Variants in MOSPD2 observed in about 807,000 individuals in gnomAD.
MOSPD2 encodes the protein motile sperm domain-containing protein 2.
A neutral mutation model predicts 41.7 loss-of-function variants in MOSPD2; 5 were observed. The observed-to-expected ratio is 0.12, with a 90% CI of 0.06 to 0.25. MOSPD2 has a LOEUF of 0.25. Ranked by LOEUF, MOSPD2 falls within the 10% of genes least tolerant of loss-of-function variation. The pLI is 1.00. For synonymous variants in MOSPD2, 115 were observed against 126.9 expected (o/e 0.91, Z 0.63); for missense variants, 282 against 375.2 (o/e 0.75, Z 2.05).
chrX:14,895,450 A>G (rs904456171), intron 4 of MOSPD2, 56 bp downstream of exon 4: 5 of 685,717 alleles, frequency 7.3e-6, no homozygotes, highest in Non-Finnish European at 9.3e-6. Flanking sequence ...TGAGATATCT[A>G]TGTCAACTGA....
At chrX:14,889,552 G>C (rs1316941334) in intron 2 of MOSPD2, among the ~76,000 whole-genome samples, 11 of 95,677 alleles carry the variant, frequency 1.1e-4, no homozygotes, top group African/African-American at 4.4e-4. Flanking sequence ...CCTCTCCTCT[G>C]TCCCATTGTC....
At position 14,878,693 on chromosome X, in the gene MOSPD2, T is replaced by C. The variant is rs1453138926; in HGVS notation, c.79+4935T>C. Among the ~76,000 whole-genome samples the C allele has an allele frequency of 2.7e-5, 3 of 111,756 alleles. No individual in the cohort carries two copies. The East Asian group carries it at 8.3e-4, about 31-fold the overall frequency. On this transcript the variant is annotated intron_variant, in intron 2 of 14. Transcript: ENST00000380492. ...ATTTTTGTTTTGTTTTGGTTTACTA[T>C]TTTTTTTCTTCTTTTTTTATTATAC...
intron 2 of MOSPD2, among the ~76,000 whole-genome samples, 174 bp from the exon 3 acceptor site, chrX:14,892,549 A>G (rs1174680821): frequency 9.0e-6 from 1 of 111,692 alleles, no homozygotes; most frequent in African/African-American, 3.3e-5. Context: ...AACCATATCC[A>G]AACAATAGCA....
chrX:14,911,368 A>T lies in MOSPD2; in HGVS notation c.834A>T (p.Thr278=). 8.4e-7 allele frequency: 1 copy of T among 1,195,753 alleles called. No homozygotes were observed. Among genetic ancestry groups the T allele is most frequent in the South Asian group, 1.8e-5 (1 of 54,660 alleles). ...KEDIESDGKE[T]LETISNEEQT... Reference sequence around the variant, plus strand: ...ACATAGAAAGTGATGGCAAAGAAACATTGGAAACAATTTCTAATGAAGAAC... The same window carrying T: ...ACATAGAAAGTGATGGCAAAGAAACTTTGGAAACAATTTCTAATGAAGAAC... Residue 278 remains threonine (T), a synonymous_variant, in exon 9 of 15, where the codon ACA becomes ACT. Transcript: ENST00000380492.
intron 7 of MOSPD2, among the ~76,000 whole-genome samples, chrX:14,904,258 T>C (rs1318886028): frequency 9.0e-6 from 1 of 111,683 alleles, no homozygotes; most frequent in Non-Finnish European, 1.9e-5. Context: ...TACTAGCAAA[T>C]TGAATCCAGC....
intron 13 of MOSPD2, among the ~76,000 whole-genome samples, chrX:14,917,328 T>C (rs2092602174): frequency 8.9e-6 from 1 of 111,876 alleles, no homozygotes; most frequent in South Asian, 3.7e-4. Flanking sequence ...AAAAGGAGTG[T>C]GCTTGGCCTT....
At chrX:14,886,571 GAA>G (rs1028965118) in intron 2 of MOSPD2, among the ~76,000 whole-genome samples, 3 of 107,900 alleles carry the variant, frequency 2.8e-5, no homozygotes, top group African/African-American at 6.8e-5. Flanking sequence ...GAGAGAGAGA[GAA>G]ATCAGCAACA....
chrX:14,902,897 A>T, intron 6 of MOSPD2, 69 bp from the exon 7 acceptor site: 1 of 788,729 alleles, frequency 1.3e-6, no homozygotes, highest in Non-Finnish European at 1.9e-6. Context: ...AGTTTTTTCT[A>T]GGCTGGTATG....
At chrX:14,916,074 A>AG in intron 12 of MOSPD2, 123 bp from the exon 13 acceptor site, 2 of 1,080,227 alleles carry the variant, frequency 1.9e-6, no homozygotes, top group Non-Finnish European at 2.5e-6. Context: ...TCCTTTTTAA[A>AG]GACATTTCCA....
At chrX:14,899,752 G>A (rs898268697) in intron 5 of MOSPD2, among the ~76,000 whole-genome samples, 46 of 110,397 alleles carry the variant, frequency 4.2e-4, no homozygotes, top group Non-Finnish European at 7.2e-4. Flanking sequence ...CACCTTTCCA[G>A]TAATTGTGAT....
At chrX:14,882,790 C>CTTGTTT (rs2092533849) in intron 2 of MOSPD2, among the ~76,000 whole-genome samples, 1 of 106,656 alleles carries the variant, frequency 9.4e-6, no homozygotes, top group African/African-American at 3.4e-5. Context: ...GATGAATGTT[C>CTTGTTT]TTGTTTTTTT....
At chrX:14,913,718 A>G (rs2092595620) in intron 10 of MOSPD2, among the ~76,000 whole-genome samples, 1 of 112,152 alleles carries the variant, frequency 8.9e-6, no homozygotes, top group African/African-American at 3.2e-5. Flanking sequence ...ATGTATCTCA[A>G]AATCAACGGC....
At chrX:14,887,994 G>T (rs1012187158) in intron 2 of MOSPD2, among the ~76,000 whole-genome samples, 1 of 110,752 alleles carries the variant, frequency 9.0e-6, no homozygotes, top group South Asian at 3.8e-4. Flanking sequence ...AGTAGAAAGG[G>T]CCAATGAACC....
At chrX:14,886,502 T>TAC (rs1391849738) in intron 2 of MOSPD2, among the ~76,000 whole-genome samples, 4 of 103,325 alleles carry the variant, frequency 3.9e-5, no homozygotes, top group Non-Finnish European at 7.9e-5. Flanking sequence ...GGTTGTTACA[T>TAC]ACACACACAT....
Position 14,910,796 on chromosome X carries a change from T to C in MOSPD2, c.703-441T>C, listed in dbSNP as rs180863783. 1.1e-3 allele frequency among the ~76,000 whole-genome samples: 127 copies of C among 111,745 alleles called. 2 individuals are homozygous for C. The highest frequency in any genetic ancestry group is 5.6e-4 in the Non-Finnish European group (30 of 53,131). ...TCAGGTAAAAAATATTTCACTGTCA[T>C]TTTAATTTGCATTTCTTTAATTATA... On this transcript the variant is annotated intron_variant, in intron 8 of 14. Coordinates refer to ENST00000380492, the MANE Select transcript of MOSPD2 (RefSeq NM_152581.4).
At position 14,912,295 on chromosome X, in the gene MOSPD2, T is replaced by C; in HGVS notation, c.926T>C (p.Val309Ala). Residue 309 changes from valine (V) to alanine (A), a missense_variant, in exon 10 of 15, where the codon GTT (valine) becomes GCT (alanine). Physicochemically the swap from Val to Ala is moderately conservative, Grantham distance 64. This residue lies in a region of MOSPD2 where 187 missense variants were observed against 256.6 expected (regional missense o/e 0.73). Transcript: ENST00000380492. ...TCCAAAGCAGAAGAAAATGAAAAAG[T>C]TGATTCAAAAGTGAAAGCTTTCAAG... ...STSKAEENEK[V>A]DSKVKAFKKP... 1 of 1,194,456 alleles carries C rather than the reference T, an allele frequency of 8.4e-7. No individual in the cohort carries two copies.
At chrX:14,901,430 C>T (rs1235810023) in intron 6 of MOSPD2, among the ~76,000 whole-genome samples, 1 of 111,143 alleles carries the variant, frequency 9.0e-6, no homozygotes, top group Non-Finnish European at 1.9e-5. Flanking sequence ...TTTTGGGACT[C>T]GTGACTCAGG....
chrX:14,908,132 A>G (rs895519976), intron 7 of MOSPD2, among the ~76,000 whole-genome samples: 6 of 111,535 alleles, frequency 5.4e-5, no homozygotes, highest in African/African-American at 2.0e-4. Context: ...AGTGAAAATG[A>G]GGTTTAAAAA....
Position 14,916,049 on chromosome X carries a change from A to C in MOSPD2, c.1187-148A>C. ...TGAATTTCAAAAGAGAAATTTCCTC[A>C]CTTTTAGAACTTTTTCCTTTTTAAA... On this transcript the variant is annotated intron_variant, in intron 12 of 14. Coordinates refer to ENST00000380492, the MANE Select transcript of MOSPD2 (RefSeq NM_152581.4). The C allele has an allele frequency of 5.3e-6, 5 of 949,902 alleles. No individual in the cohort carries two copies. In the South Asian group the frequency reaches 1.2e-4, roughly 22 times the overall value. The allele number at this position is 949,902 out of a possible 1,213,427, so 78.3% of individuals were successfully genotyped here.
Sources: allele counts gnomAD v4.1 joint callset (sites outside exome capture counted in the v4.1 genomes callset), GRCh38; gene constraint gnomAD v4.1.1; regional missense constraint gnomAD v4.1.1; transcripts MANE v1.5; gene names NCBI Gene and HGNC (gene_info 2026-07-23, HGNC 2026-07-21).